EFNA3: variants seen among roughly 807,000 people sequenced by gnomAD.
The protein encoded by EFNA3 is ephrin-A3.
A neutral mutation model predicts 25.0 loss-of-function variants in EFNA3; 15 were observed. That is an observed-to-expected ratio of 0.60 (90% CI 0.40 to 0.92). EFNA3 has a LOEUF of 0.92. Ranked by LOEUF, EFNA3 falls within the 40% of genes least tolerant of loss-of-function variation. EFNA3 has a pLI of 0.00. For synonymous variants in EFNA3, 153 were observed against 145.6 expected, an observed-to-expected ratio of 1.05 and a Z score of -0.37; for missense variants, 298 against 323.8, an observed-to-expected ratio of 0.92 and a Z score of 0.61.
chr1:155,078,912 C>CG lies in EFNA3; in HGVS notation c.-24dup. The CG allele has an allele frequency of 4.4e-6, 6 of 1,371,874 alleles. No individual in the cohort carries two copies. The highest frequency in any genetic ancestry group is 1.8e-5 in the South Asian group (1 of 55,788). The allele number at this position is 1,371,874 out of a possible 1,614,324, so 85.0% of individuals were successfully genotyped here. A position where few individuals can be genotyped will look rare whatever the true frequency, so the allele number is the denominator to read the frequency against. On this transcript the variant is annotated 5_prime_UTR_variant, in exon 1 of 5. Transcript: ENST00000368408. ...AGAAGCCGGGAGCGCGGGGCTCAGT[C>CG]GGGGGGCGGCGGCGGCGGCGGCTCC... is the stretch of plus-strand genomic sequence containing the variant.
Position 155,086,437 on chromosome 1 carries a change from A to G in EFNA3, c.611A>G (p.Gln204Arg). Reference sequence around the variant, plus strand: ...GAAGACTTTGAGGGAGAGAACCCTCAGGTGCCCAAGCTTGAGAAGAGCATC... The same window carrying G: ...GAAGACTTTGAGGGAGAGAACCCTCGGGTGCCCAAGCTTGAGAAGAGCATC... ...VLEDFEGENPQVPKLEKSISG... is the reference protein window; with the variant it reads ...VLEDFEGENPRVPKLEKSISG... The change falls in exon 5 of 5, where the codon CAG becomes CGG. Residue 204 changes from glutamine (Q) to arginine (R), a missense_variant. Transcript: ENST00000368408. 6.2e-7 allele frequency: 1 copy of G among 1,614,110 alleles called. No individual in the cohort carries two copies. Among genetic ancestry groups the G allele is most frequent in the Non-Finnish European group, 8.5e-7 (1 of 1,179,970 alleles).
chr1:155,082,778 C>T (rs867768884), intron 1 of EFNA3, among the ~76,000 whole-genome samples: 2 of 152,088 alleles, frequency 1.3e-5, no homozygotes, highest in African/African-American at 4.8e-5. Flanking sequence ...GGGTTAGCTG[C>T]GGAGCTTCGC....
At position 155,080,336 on chromosome 1, in the gene EFNA3, C is replaced by T. The variant is rs1663318221; in HGVS notation, c.128+1267C>T. On this transcript the variant is annotated intron_variant, in intron 1 of 4. Coordinates refer to ENST00000368408, the MANE Select transcript of EFNA3 (RefSeq NM_004952.5). This position sits in a 1 kb window ranked among gnomAD's most constrained non-coding sequence, Gnocchi z 7.0. ...GTTGTTTGGGGCTCCGCGCCTCCCC[C>T]TCTCTCCCTCCTCGCGCCCGGAGTG... is the stretch of plus-strand genomic sequence containing the variant. Among the ~76,000 whole-genome samples, 3 of 152,142 alleles carry T rather than the reference C, an allele frequency of 2.0e-5. No homozygotes were observed. Among genetic ancestry groups the T allele is most frequent in the Admixed American group, 2.0e-4 (3 of 15,286 alleles).
chr1:155,078,966 C>T lies in EFNA3; in HGVS notation c.25C>T (p.Leu9=), dbSNP rs1663285151. 3 of 1,429,262 alleles carry T rather than the reference C, an allele frequency of 2.1e-6. No individual in the cohort carries two copies. The highest frequency in any genetic ancestry group is 6.2e-5 in the Admixed American group (2 of 32,166). 88.5% of individuals were successfully genotyped at this position (1,429,262 alleles called of 1,614,324 possible). A position where few individuals can be genotyped will look rare whatever the true frequency, so the allele number is the denominator to read the frequency against. The change falls in exon 1 of 5, where the codon CTG becomes TTG. Residue 9 remains leucine, a synonymous_variant. Transcript: ENST00000368408. MAAAPLLL[L]LLLVPVPLLP... ...GATGGCGGCGGCTCCGCTGCTGCTG[C>T]TGCTGCTGCTCGTGCCCGTGCCGCT...
In EFNA3 at chr1:155,078,900, GC is replaced by G; in HGVS notation, c.-41del. The G allele has an allele frequency of 7.4e-7, 1 of 1,350,102 alleles. No homozygotes were observed. Among genetic ancestry groups the G allele is most frequent in the Non-Finnish European group, 9.5e-7 (1 of 1,053,120 alleles). The allele number at this position is 1,350,102 out of a possible 1,614,324, so 83.6% of individuals were successfully genotyped here. A position where few individuals can be genotyped will look rare whatever the true frequency, so the allele number is the denominator to read the frequency against. ...GCTGGGAAGCGGAGAAGCCGGGAGCGCGGGGCTCAGTCGGGGGGCGGCGGCG... is the reference window on the plus strand; with the variant it reads ...GCTGGGAAGCGGAGAAGCCGGGAGCGGGGGCTCAGTCGGGGGGCGGCGGCG... On this transcript the variant is annotated 5_prime_UTR_variant, in exon 1 of 5. Transcript: ENST00000368408.
chr1:155,085,401 A>G lies in EFNA3; in HGVS notation c.439A>G (p.Ile147Val). ...EFHAGHEYYYISTPTHNLHWK... is the reference protein window; with the variant it reads ...EFHAGHEYYYVSTPTHNLHWK... Reference sequence around the variant, plus strand: ...CCACGCCGGCCACGAGTACTACTACATCTGTGAGTGACGGCGGCCGGGCGG... The same window carrying G: ...CCACGCCGGCCACGAGTACTACTACGTCTGTGAGTGACGGCGGCCGGGCGG... Residue 147 changes from isoleucine (I) to valine (V), a missense_variant, in exon 2 of 5, where the codon ATC becomes GTC. Physicochemically the swap from Ile to Val is conservative, Grantham distance 29. Transcript: ENST00000368408. This position sits in a 1 kb window ranked among gnomAD's most constrained non-coding sequence, Gnocchi z 4.4. 6.3e-7 allele frequency: 1 copy of G among 1,582,126 alleles called. No homozygotes were observed. The highest frequency in any genetic ancestry group is 8.6e-7 in the Non-Finnish European group (1 of 1,159,788).
intron 1 of EFNA3, among the ~76,000 whole-genome samples, chr1:155,082,856 A>C (rs889208415): frequency 6.6e-6 from 1 of 152,154 alleles, no homozygotes; most frequent in African/African-American, 2.4e-5. Flanking sequence ...GATTCAATTA[A>C]AGTGCCCAAG....
chr1:155,085,918 A>T lies in EFNA3; in HGVS notation c.484A>T (p.Lys162Ter). The change falls in exon 3 of 5, where the codon AAG becomes TAG. Residue 162 changes from lysine (K) to a stop codon, truncating the protein, a stop_gained. Transcript: ENST00000368408. LOFTEE classifies it high-confidence loss of function. The surrounding 1 kb of genome is among the most constrained non-coding windows in gnomAD (Gnocchi z 4.4). ...CCTGCACTGGAAGTGTCTGAGGATG[A>T]AGGTGTTCGTCTGCTGCGCCTCCAG... Reference protein sequence around the residue: ...HNLHWKCLRMKVFVCCASTSH... With the variant: ...HNLHWKCLRM 6.2e-7 allele frequency: 1 copy of T among 1,612,922 alleles called. No individual in the cohort carries two copies. The highest frequency in any genetic ancestry group is 8.5e-7 in the Non-Finnish European group (1 of 1,179,512).
Position 155,081,252 on chromosome 1 carries a change from C to T in EFNA3, c.128+2183C>T, listed in dbSNP as rs4845708. On this transcript the variant is annotated intron_variant, in intron 1 of 4. Transcript: ENST00000368408. This position sits in a 1 kb window ranked among gnomAD's most constrained non-coding sequence, Gnocchi z 5.2. ...ATTTAGTCCCGTGGAACAGGAGAGA[C>T]CTGTTCCCAATCTGGCCCAGAAACT... Among the ~76,000 whole-genome samples, 73,838 of 151,852 alleles carry T rather than the reference C, an allele frequency of 0.49. 19,050 individuals carry two copies. Among genetic ancestry groups the T allele is most frequent in the East Asian group, 0.89 (4,599 of 5,154 alleles).
Position 155,085,805 on chromosome 1 carries a change from G to T in EFNA3, c.443-72G>T. ...GACGGGGACAGTTTGGAGGGGGTGA[G>T]AAATAGAGCCGTCGAGGGAGGGCAC... On this transcript the variant is annotated intron_variant, in intron 2 of 4. Coordinates refer to ENST00000368408, the MANE Select transcript of EFNA3 (RefSeq NM_004952.5). The surrounding 1 kb of genome is among the most constrained non-coding windows in gnomAD (Gnocchi z 4.4). The T allele has an allele frequency of 6.4e-7, 1 of 1,566,078 alleles. No homozygotes were observed. The highest frequency in any genetic ancestry group is 8.7e-7 in the Non-Finnish European group (1 of 1,148,636).
chr1:155,085,985 C>G lies in EFNA3; in HGVS notation c.508+43C>G, dbSNP rs769597714. On this transcript the variant is annotated intron_variant, in intron 3 of 4. Coordinates refer to ENST00000368408, the MANE Select transcript of EFNA3 (RefSeq NM_004952.5). The surrounding 1 kb of genome is among the most constrained non-coding windows in gnomAD (Gnocchi z 4.4). ...CGAGCCGCGCCCCCATCCTCAGCTC[C>G]CTGCTTTGGGGCTCCCCTGGCTTCC... 6.3e-7 allele frequency: 1 copy of G among 1,587,328 alleles called. No individual in the cohort carries two copies. The highest frequency in any genetic ancestry group is 1.1e-5 in the South Asian group (1 of 87,576).
At chr1:155,082,216 G>A (rs1315363489) in intron 1 of EFNA3, among the ~76,000 whole-genome samples, 1 of 152,188 alleles carries the variant, frequency 6.6e-6, no homozygotes, top group African/African-American at 2.4e-5. Context: ...AGCGGGCGGC[G>A]CGCAGCCTCG....
intron 3 of EFNA3, 25 bp from the exon 4 acceptor site, chr1:155,086,103 T>TACC: frequency 1.3e-6 from 2 of 1,577,720 alleles, no homozygotes; most frequent in Non-Finnish European, 1.7e-6. Flanking sequence ...CCCTCCTCTC[T>TACC]CCCCACCCGC....
chr1:155,086,643 C>A lies in EFNA3; in HGVS notation c.*100C>A. 1 of 1,454,226 alleles carries A rather than the reference C, an allele frequency of 6.9e-7. No individual in the cohort carries two copies. Among genetic ancestry groups the A allele is most frequent in the Non-Finnish European group, 9.3e-7 (1 of 1,077,646 alleles). 90.1% of individuals were successfully genotyped at this position (1,454,226 alleles called of 1,614,324 possible). A position where few individuals can be genotyped will look rare whatever the true frequency, so the allele number is the denominator to read the frequency against. ...GGAAGCCTAGTGGGCCTAGACCCCTCCTCCCATGGCTAGAAGTGGGGCCTG... is the reference window on the plus strand; with the variant it reads ...GGAAGCCTAGTGGGCCTAGACCCCTACTCCCATGGCTAGAAGTGGGGCCTG... On this transcript the variant is annotated 3_prime_UTR_variant, in exon 5 of 5. Transcript: ENST00000368408.
At chr1:155,084,567 CGGG>C in intron 1 of EFNA3, among the ~76,000 whole-genome samples, 1 of 152,360 alleles carries the variant, frequency 6.6e-6, no homozygotes, top group Non-Finnish European at 1.5e-5. Context: ...GACTGGCCTC[CGGG>C]GTGGACTGGC....
At chr1:155,083,136 T>G (rs946020182) in intron 1 of EFNA3, among the ~76,000 whole-genome samples, 2 of 152,224 alleles carry the variant, frequency 1.3e-5, no homozygotes, top group African/African-American at 4.8e-5. Context: ...TGGAATTACC[T>G]GTAGGAATAC....
In EFNA3 at chr1:155,085,569, C is replaced by A; in HGVS notation, c.442+165C>A. 1 of 890,636 alleles carries A rather than the reference C, an allele frequency of 1.1e-6. No individual in the cohort carries two copies. The highest frequency in any genetic ancestry group is 1.7e-6 in the Non-Finnish European group (1 of 601,860). 55.2% of individuals were successfully genotyped at this position (890,636 alleles called of 1,614,324 possible). On this transcript the variant is annotated intron_variant, in intron 2 of 4. Transcript: ENST00000368408. The surrounding 1 kb of genome is among the most constrained non-coding windows in gnomAD (Gnocchi z 4.4). ...CACGGGACGCCTGAGGGGTTCAGCT[C>A]AGACGAGGTCGTGGGGCCAAGAGAG...
chr1:155,081,591 C>T lies in EFNA3; in HGVS notation c.128+2522C>T, dbSNP rs1397103330. Among the ~76,000 whole-genome samples the T allele has an allele frequency of 6.6e-6, 1 of 152,200 alleles. No homozygotes were observed. The highest frequency in any genetic ancestry group is 1.5e-5 in the Non-Finnish European group (1 of 68,040). ...GAGGCTCTACTACGTCCCTGATGGT[C>T]TTTCTCTGTGTTTTCTCCCAGTCTC... On this transcript the variant is annotated intron_variant, in intron 1 of 4. Transcript: ENST00000368408. The surrounding 1 kb of genome is among the most constrained non-coding windows in gnomAD (Gnocchi z 5.2).
At chr1:155,082,332 A>G (rs1663358431) in intron 1 of EFNA3, among the ~76,000 whole-genome samples, 1 of 152,098 alleles carries the variant, frequency 6.6e-6, no homozygotes, top group East Asian at 1.9e-4. Context: ...GAGGATGGCG[A>G]GGATTTGACA....
Sources: allele counts gnomAD v4.1 joint callset (sites outside exome capture counted in the v4.1 genomes callset), GRCh38; gene constraint gnomAD v4.1.1; non-coding constraint Gnocchi (gnomAD v3.1); transcripts MANE v1.5; gene names NCBI Gene and HGNC (gene_info 2026-07-23, HGNC 2026-07-21).